The following SCFD2 variants were observed in gnomAD, a reference collection of about 807,000 sequenced individuals.
The protein encoded by SCFD2 is sec1 family domain containing 2.
Under a neutral mutation model 58.9 loss-of-function variants are expected in SCFD2, and 54 were observed. That is an observed-to-expected ratio of 0.92 (90% CI 0.74 to 1.15). SCFD2 has a LOEUF of 1.15. Among genes scored for constraint, SCFD2 ranks in the 50% most tolerant of loss-of-function variants. SCFD2 has a pLI of 0.00. For missense variants in SCFD2, 805 were observed against 836.6 expected (o/e 0.96, Z 0.47); for synonymous variants, 321 against 335.9 (o/e 0.96, Z 0.49).
chr4:53,014,198 A>G (rs1291282869), intron 5 of SCFD2, among the ~76,000 whole-genome samples: 2 of 152,236 alleles, frequency 1.3e-5, no homozygotes, highest in African/African-American at 4.8e-5. Flanking sequence ...GGCTTCCTCC[A>G]GGGTGAAAGG....
At chr4:53,153,244 G>A (rs1420368389) in intron 4 of SCFD2, among the ~76,000 whole-genome samples, 2 of 152,200 alleles carry the variant, frequency 1.3e-5, no homozygotes, top group Non-Finnish European at 2.9e-5. Flanking sequence ...CTCTTCAACA[G>A]GTTTCTGCCT....
At chr4:53,141,370 A>C (rs1471854284) in intron 5 of SCFD2, among the ~76,000 whole-genome samples, 1 of 152,208 alleles carries the variant, frequency 6.6e-6, no homozygotes, top group East Asian at 1.9e-4. Context: ...ACGTAACTGC[A>C]ATCATCTGAA....
At chr4:53,087,902 A>T (rs1416792323) in intron 5 of SCFD2, among the ~76,000 whole-genome samples, 1 of 144,652 alleles carries the variant, frequency 6.9e-6, no homozygotes, top group Non-Finnish European at 1.5e-5. Flanking sequence ...CTCATGATCC[A>T]CCCACCTCAG....
At chr4:53,306,075 T>A (rs1163158501) in intron 3 of SCFD2, among the ~76,000 whole-genome samples, 1 of 152,184 alleles carries the variant, frequency 6.6e-6, no homozygotes, top group Non-Finnish European at 1.5e-5. Context: ...AGTCTGGTGG[T>A]AATTGCTGTA....
chr4:53,179,788 A>C (rs1727479636), intron 4 of SCFD2, among the ~76,000 whole-genome samples: 1 of 152,218 alleles, frequency 6.6e-6, no homozygotes, highest in Non-Finnish European at 1.5e-5. Flanking sequence ...TAGGCTCAAA[A>C]TAAAGGAGTG....
At chr4:53,231,130 T>C (rs1361416511) in intron 4 of SCFD2, among the ~76,000 whole-genome samples, 3 of 152,148 alleles carry the variant, frequency 2.0e-5, no homozygotes, top group African/African-American at 2.4e-5. Context: ...GAACCATTCA[T>C]GTGTTAAGTA....
intron 3 of SCFD2, among the ~76,000 whole-genome samples, chr4:53,300,838 C>T (rs886632587): frequency 6.6e-6 from 1 of 152,168 alleles, no homozygotes; most frequent in Admixed American, 6.5e-5. Context: ...GCAAGCTGCT[C>T]CTGAATGACT....
chr4:53,171,852 T>G (rs1196482756), intron 4 of SCFD2, among the ~76,000 whole-genome samples: 3 of 151,914 alleles, frequency 2.0e-5, no homozygotes, highest in African/African-American at 7.2e-5. Context: ...TCTCGTTAAT[T>G]TCTGATTTTA....
At chr4:52,965,516 T>C (rs991999228) in intron 5 of SCFD2, among the ~76,000 whole-genome samples, 8 of 152,236 alleles carry the variant, frequency 5.3e-5, no homozygotes, top group Non-Finnish European at 1.2e-4. Flanking sequence ...TCAGAATCTG[T>C]GCATGCCCAA....
chr4:53,115,947 A>C (rs752807152), intron 5 of SCFD2, among the ~76,000 whole-genome samples: 14 of 152,000 alleles, frequency 9.2e-5, no homozygotes, highest in Non-Finnish European at 1.0e-4. Flanking sequence ...TGATATCACT[A>C]TTTATTTTGG....
chr4:52,913,426 G>C (rs990192768), intron 6 of SCFD2, among the ~76,000 whole-genome samples: 4 of 152,150 alleles, frequency 2.6e-5, no homozygotes, highest in Non-Finnish European at 5.9e-5. Context: ...GAGGGTTCTA[G>C]GTTGCATGCT....
intron 4 of SCFD2, among the ~76,000 whole-genome samples, chr4:53,254,579 T>C (rs11133258): frequency 0.57 from 85,811 of 150,682 alleles, 24,785 homozygotes; most frequent in Middle Eastern, 0.65. Context: ...CCTCAGGTGA[T>C]CCACCCACCT....
At chr4:53,140,410 T>TATATATATATATATATATAAAA (rs1560353881) in intron 5 of SCFD2, among the ~76,000 whole-genome samples, 2 of 142,782 alleles carry the variant, frequency 1.4e-5, no homozygotes, top group African/African-American at 5.2e-5. Flanking sequence ...TATATATATA[T>TATATATATATATATATATAAAA]ATAAATTTTA....
At chr4:52,966,209 A>C (rs1481930645) in intron 5 of SCFD2, among the ~76,000 whole-genome samples, 10 of 152,178 alleles carry the variant, frequency 6.6e-5, no homozygotes. Context: ...GTTGTGCTTT[A>C]AGGAAACATA....
chr4:52,980,016 T>C (rs1721340961), intron 5 of SCFD2, among the ~76,000 whole-genome samples: 2 of 152,226 alleles, frequency 1.3e-5, no homozygotes, highest in African/African-American at 4.8e-5. Flanking sequence ...AAGGGGGCAC[T>C]GTGTCATTTA....
chr4:52,876,654 G>A (rs531478083), intron 8 of SCFD2, among the ~76,000 whole-genome samples: 1 of 151,370 alleles, frequency 6.6e-6, no homozygotes, highest in East Asian at 2.0e-4. Context: ...GGAGGCTGAG[G>A]CAGGAGAATA....
At chr4:53,161,971 T>TA (rs1368977348) in intron 4 of SCFD2, among the ~76,000 whole-genome samples, 2 of 152,108 alleles carry the variant, frequency 1.3e-5, no homozygotes, top group African/African-American at 4.8e-5. Context: ...ATAAAAATAA[T>TA]AAAAACAGGT....
chr4:53,152,806 T>A (rs992696276), intron 4 of SCFD2, among the ~76,000 whole-genome samples: 4 of 152,204 alleles, frequency 2.6e-5, no homozygotes, highest in African/African-American at 9.7e-5. Flanking sequence ...ATTGGGTAGA[T>A]GTTCCCATTC....
chr4:53,218,987 G>A (rs578227750), intron 4 of SCFD2, among the ~76,000 whole-genome samples: 103 of 152,284 alleles, frequency 6.8e-4, no homozygotes, highest in South Asian at 3.5e-3. Context: ...TTGCCTGATC[G>A]TTCCTCTGGA....
Sources: allele counts gnomAD v4.1 joint callset (sites outside exome capture counted in the v4.1 genomes callset), GRCh38; gene constraint gnomAD v4.1.1; transcripts MANE v1.5; gene names NCBI Gene and HGNC (gene_info 2026-07-23, HGNC 2026-07-21).